CNTNAP2: variants seen among roughly 807,000 people sequenced by gnomAD.
CNTNAP2 encodes contactin-associated protein-like 2.
A neutral mutation model predicts 155.2 loss-of-function variants in CNTNAP2; 98 were observed. That is an observed-to-expected ratio of 0.63 (90% CI 0.54 to 0.75). The LOEUF is 0.75. Among genes scored for constraint, CNTNAP2 ranks in the 30% least tolerant of loss-of-function variants. The probability of loss-of-function intolerance (pLI) is 0.00; values close to 1 mark genes in which losing one functional copy is unlikely to be tolerated. For synonymous variants in CNTNAP2, 651 were observed against 631.2 expected, an observed-to-expected ratio of 1.03 and a Z score of -0.47; for missense variants, 1,727 against 1,688.1, an observed-to-expected ratio of 1.02 and a Z score of -0.40.
At chr7:147,479,867 A>G (rs953554081) in intron 10 of CNTNAP2, among the ~76,000 whole-genome samples, 3 of 152,160 alleles carry the variant, frequency 2.0e-5, no homozygotes, top group Non-Finnish European at 4.4e-5. Context: ...TTTTACCACT[A>G]TAATGTTATG....
At chr7:146,902,704 G>A (rs1299268405) in intron 3 of CNTNAP2, among the ~76,000 whole-genome samples, 2 of 152,124 alleles carry the variant, frequency 1.3e-5, no homozygotes, top group Admixed American at 6.5e-5. Context: ...GTCTCTTCTG[G>A]TTAACTGGAG....
intron 10 of CNTNAP2, among the ~76,000 whole-genome samples, chr7:147,485,285 GA>G (rs1230615759): frequency 2.0e-5 from 3 of 152,154 alleles, no homozygotes; most frequent in African/African-American, 7.2e-5. Flanking sequence ...CTAAGGTTCA[GA>G]AAGGTTCAGT....
chr7:146,522,831 T>A (rs964107994), intron 1 of CNTNAP2, among the ~76,000 whole-genome samples: 3 of 151,162 alleles, frequency 2.0e-5, no homozygotes, highest in Non-Finnish European at 4.4e-5. Context: ...TTTTTTCTTA[T>A]CTCTGGTAAA....
chr7:148,157,907 A>G (rs1001238265), intron 17 of CNTNAP2, among the ~76,000 whole-genome samples: 2 of 152,222 alleles, frequency 1.3e-5, no homozygotes, highest in Admixed American at 6.5e-5. Context: ...GCAAAAATGC[A>G]AATAAAATAT....
chr7:146,464,540 T>C (rs1796688420), intron 1 of CNTNAP2, among the ~76,000 whole-genome samples: 1 of 152,102 alleles, frequency 6.6e-6, no homozygotes, highest in Non-Finnish European at 1.5e-5. Context: ...AAGATACTTT[T>C]TGAAGTAGTA....
At position 147,836,812 on chromosome 7, in the gene CNTNAP2, A is replaced by C. The variant is rs138069996; in HGVS notation, c.2099-66753A>C. Reference sequence around the variant, plus strand: ...TGGATGGAGCTCTTGTCTGTTATTCAAACTTATAGCTGTTCTGTTTCCAAC... The same window carrying C: ...TGGATGGAGCTCTTGTCTGTTATTCCAACTTATAGCTGTTCTGTTTCCAAC... On this transcript the variant is annotated intron_variant, in intron 13 of 23. Coordinates refer to ENST00000361727, the MANE Select transcript of CNTNAP2 (RefSeq NM_014141.6). 1.5e-4 allele frequency among the ~76,000 whole-genome samples: 23 copies of C among 152,332 alleles called. No homozygotes were observed. The East Asian group carries it at 4.4e-3, about 29-fold the overall frequency.
chr7:147,856,405 C>T (rs1426553770), intron 13 of CNTNAP2, among the ~76,000 whole-genome samples: 1 of 152,128 alleles, frequency 6.6e-6, no homozygotes, highest in African/African-American at 2.4e-5. Context: ...ACTCACCCTT[C>T]TCATGAAAAA....
chr7:147,485,568 A>C (rs915787115), intron 10 of CNTNAP2, among the ~76,000 whole-genome samples: 2 of 152,230 alleles, frequency 1.3e-5, no homozygotes, highest in African/African-American at 4.8e-5. Context: ...CAAAGAATAG[A>C]ATAAAACAAG....
chr7:147,006,114 T>C (rs73465245), intron 3 of CNTNAP2, among the ~76,000 whole-genome samples: 11,816 of 152,030 alleles, frequency 0.078, 712 homozygotes, highest in East Asian at 0.29. Context: ...TGCACATGCA[T>C]GTATATAGGA....
intron 1 of CNTNAP2, among the ~76,000 whole-genome samples, chr7:146,744,786 T>A (rs578150762): frequency 1.3e-5 from 2 of 152,158 alleles, no homozygotes; most frequent in Non-Finnish European, 2.9e-5. Context: ...GGATTTGATA[T>A]CAAGTGGCCT....
At chr7:146,635,391 G>C (rs115323537) in intron 1 of CNTNAP2, among the ~76,000 whole-genome samples, 3 of 152,242 alleles carry the variant, frequency 2.0e-5, no homozygotes, top group African/African-American at 7.2e-5. Flanking sequence ...CTAGTAACAG[G>C]AGAGCATGAA....
intron 8 of CNTNAP2, among the ~76,000 whole-genome samples, chr7:147,134,037 A>G (rs903642500): frequency 1.3e-5 from 2 of 151,466 alleles, no homozygotes; most frequent in Admixed American, 1.3e-4. Context: ...CAGTTGAAAA[A>G]CTCCCACATT....
At chr7:146,301,513 C>T (rs1235274324) in intron 1 of CNTNAP2, among the ~76,000 whole-genome samples, 1 of 151,876 alleles carries the variant, frequency 6.6e-6, no homozygotes, top group Non-Finnish European at 1.5e-5. Context: ...GCAGTCCCAG[C>T]TGCTAGGGAG....
intron 1 of CNTNAP2, among the ~76,000 whole-genome samples, chr7:146,520,673 A>G (rs1234342831): frequency 1.3e-5 from 2 of 151,858 alleles, no homozygotes; most frequent in Non-Finnish European, 2.9e-5. Flanking sequence ...TCTTTTTATA[A>G]TGAAGTAGAA....
chr7:147,387,308 A>C (rs759885524), intron 9 of CNTNAP2, among the ~76,000 whole-genome samples: 5 of 152,086 alleles, frequency 3.3e-5, no homozygotes, highest in Non-Finnish European at 5.9e-5. Flanking sequence ...TAATTTCTTC[A>C]CTTTCACAAC....
intron 11 of CNTNAP2, among the ~76,000 whole-genome samples, chr7:147,529,045 A>G (rs1799383755): frequency 6.6e-6 from 1 of 152,204 alleles, no homozygotes; most frequent in Admixed American, 6.5e-5. Flanking sequence ...AATGGAAACG[A>G]TACATGTCCA....
intron 1 of CNTNAP2, among the ~76,000 whole-genome samples, chr7:146,714,894 C>G (rs1177789681): frequency 6.6e-6 from 1 of 152,120 alleles, no homozygotes; most frequent in Non-Finnish European, 1.5e-5. Context: ...ATTTGGGTTA[C>G]CAGAGGTTAG....
At chr7:146,481,982 C>T (rs1796966300) in intron 1 of CNTNAP2, among the ~76,000 whole-genome samples, 1 of 152,050 alleles carries the variant, frequency 6.6e-6, no homozygotes, top group Non-Finnish European at 1.5e-5. Flanking sequence ...AAAGCACCTT[C>T]AATCTAAACT....
At chr7:147,171,822 ATT>A (rs11374000) in intron 8 of CNTNAP2, among the ~76,000 whole-genome samples, 1 of 150,112 alleles carries the variant, frequency 6.7e-6, no homozygotes, top group Non-Finnish European at 1.5e-5. Context: ...TGAGTCAGGC[ATT>A]TTTTTTTTCA....
Sources: allele counts gnomAD v4.1 joint callset (sites outside exome capture counted in the v4.1 genomes callset), GRCh38; gene constraint gnomAD v4.1.1; transcripts MANE v1.5; gene names NCBI Gene and HGNC (gene_info 2026-07-23, HGNC 2026-07-21).